SETX: variants seen among roughly 807,000 people sequenced by gnomAD.
SETX encodes senataxin.
Under a neutral mutation model 227.2 loss-of-function variants are expected in SETX, and 90 were observed. The ratio of observed to expected loss-of-function variants is 0.40; its 90% CI spans 0.33 to 0.47. The LOEUF is 0.47. Among genes scored for constraint, SETX ranks in the 20% least tolerant of loss-of-function variants. The pLI is 0.91. For synonymous variants in SETX, 1,210 were observed against 1,113.2 expected (o/e 1.09, Z -1.73); for missense variants, 3,052 against 3,181.5 (o/e 0.96, Z 0.98).
intron 23 of SETX, 71 bp downstream of exon 23, chr9:132,275,185 T>C: frequency 1.3e-6 from 2 of 1,535,592 alleles, no homozygotes; most frequent in Non-Finnish European, 9.0e-7. Flanking sequence ...GTTTCCCTTT[T>C]CTTCTTTCCT....
At position 132,327,330 on chromosome 9, in the gene SETX, G is replaced by A. The variant is rs1407744435; in HGVS notation, c.4268C>T (p.Thr1423Ile). The A allele has an allele frequency of 2.5e-6, 4 of 1,614,068 alleles. No individual in the cohort carries two copies. The highest frequency in any genetic ancestry group is 1.3e-5 in the African/African-American group (1 of 74,940). The change falls in exon 10 of 26, where the codon ACC becomes ATC. Residue 1423 changes from threonine to isoleucine, a missense_variant. Physicochemically the swap from Thr to Ile is moderately conservative, Grantham distance 89 (BLOSUM62 -1). Coordinates refer to ENST00000224140, the MANE Select transcript of SETX (RefSeq NM_015046.7). ...LIKCMPSEPETIKAKHGSPAT... is the reference protein window; with the variant it reads ...LIKCMPSEPEIIKAKHGSPAT... ...TGGAGACCCATGTTTTGCTTTTATG[G>A]TTTCTGGTTCAGAAGGCATGCATTT...
At chr9:132,297,747 C>A (rs897432330) in intron 13 of SETX, among the ~76,000 whole-genome samples, 6 of 152,226 alleles carry the variant, frequency 3.9e-5, no homozygotes, top group Admixed American at 1.3e-4. Context: ...GCATTTCCAA[C>A]AATACCGGCC....
chr9:132,356,140 AC>A (rs1333344822), upstream of SETX, among the ~76,000 whole-genome samples: 10 of 152,022 alleles, frequency 6.6e-5, no homozygotes, highest in Admixed American at 6.6e-4. Flanking sequence ...ACAAAGCAAG[AC>A]CCTGTCTCAG....
At chr9:132,317,908 T>C (rs1027551040) in intron 10 of SETX, among the ~76,000 whole-genome samples, 1 of 152,248 alleles carries the variant, frequency 6.6e-6, no homozygotes, top group African/African-American at 2.4e-5. Context: ...TTATATTCCC[T>C]TGGCATTAAA....
At position 132,273,778 on chromosome 9, in the gene SETX, T is replaced by C. The variant is rs572233204; in HGVS notation, c.7100+1478A>G. On this transcript the variant is annotated intron_variant, in intron 23 of 25. Transcript: ENST00000224140. Reference sequence around the variant, plus strand: ...TTTACTTTTTTCTTTCCAGTAAAGATGCTTTTTATTTATTTTCCTTACTTA... The same window carrying C: ...TTTACTTTTTTCTTTCCAGTAAAGACGCTTTTTATTTATTTTCCTTACTTA... Among the ~76,000 whole-genome samples, 4 of 150,906 alleles carry C rather than the reference T, an allele frequency of 2.7e-5. 1 individual carries two copies. Among genetic ancestry groups the C allele is most frequent in the African/African-American group, 9.9e-5 (4 of 40,222 alleles).
chr9:132,275,378 T>C lies in SETX; in HGVS notation c.6978A>G (p.Ile2326Met). ...NVQEIKLVME[I>M]IKLIKDKRKD... ...TTCTTTTGTCTTTAATAAGCTTAAT[T>C]ATTTCCATCACCAGTTTTATTTCTT... Residue 2326 changes from isoleucine (I) to methionine (M), a missense_variant, in exon 23 of 26, where the codon ATA becomes ATG. Transcript: ENST00000224140. The C allele has an allele frequency of 6.2e-7, 1 of 1,606,240 alleles. No individual in the cohort carries two copies. Among genetic ancestry groups the C allele is most frequent in the Non-Finnish European group, 8.5e-7 (1 of 1,173,148 alleles).
At chr9:132,325,887 C>T (rs111260178) in intron 10 of SETX, among the ~76,000 whole-genome samples, 2,759 of 146,380 alleles carry the variant, frequency 0.019, 94 homozygotes, top group African/African-American at 0.067. Context: ...GAGCAAAGAT[C>T]GCACCATTGC....
At chr9:132,296,804 ATACT>A (rs1253003865) in intron 14 of SETX, 79 bp downstream of exon 14, 29 of 1,236,376 alleles carry the variant, frequency 2.3e-5, no homozygotes, top group African/African-American at 4.4e-5. Flanking sequence ...TGGCATGTTA[ATACT>A]TATTTACATG....
chr9:132,300,553 A>G (rs1397615547), intron 12 of SETX, 77 bp downstream of exon 12: 5 of 1,444,254 alleles, frequency 3.5e-6, no homozygotes, highest in Non-Finnish European at 4.9e-6. Context: ...AATACACTTG[A>G]TATACACAAT....
chr9:132,332,879 C>A (rs1455828016), intron 7 of SETX, among the ~76,000 whole-genome samples: 1 of 127,578 alleles, frequency 7.8e-6, no homozygotes, highest in African/African-American at 3.0e-5. Flanking sequence ...CCTGATTGAG[C>A]CACTCCAGGG....
At chr9:132,268,878 GAT>G (rs1339160265) in intron 25 of SETX, among the ~76,000 whole-genome samples, 2 of 152,188 alleles carry the variant, frequency 1.3e-5, no homozygotes, top group Admixed American at 6.5e-5. Flanking sequence ...GGCTGGAGGT[GAT>G]AGAGGAGTGA....
chr9:132,349,998 G>A (rs779463528), intron 2 of SETX, among the ~76,000 whole-genome samples: 1 of 152,096 alleles, frequency 6.6e-6, no homozygotes, highest in Non-Finnish European at 1.5e-5. Context: ...TCACAGGAGA[G>A]GCAGTTTTTA....
intron 6 of SETX, 24 bp downstream of exon 6, chr9:132,336,272 T>C (rs1847608890): frequency 6.4e-7 from 1 of 1,567,192 alleles, no homozygotes; most frequent in Non-Finnish European, 8.8e-7. Context: ...ATACCAATTA[T>C]ATTAGTGTAG....
chr9:132,286,597 G>A, intron 17 of SETX, 103 bp from the exon 18 acceptor site: 1 of 821,270 alleles, frequency 1.2e-6, no homozygotes, highest in Non-Finnish European at 2.0e-6. Flanking sequence ...TTTCACCAAT[G>A]AAAAATGTAT....
intron 23 of SETX, among the ~76,000 whole-genome samples, chr9:132,273,787 T>C (rs1185134362): frequency 1.3e-5 from 2 of 152,062 alleles, no homozygotes; most frequent in Admixed American, 6.5e-5. Context: ...ATGCTTTTTA[T>C]TTATTTTCCT....
chr9:132,287,714 A>C (rs1301030218), intron 17 of SETX, among the ~76,000 whole-genome samples: 1 of 152,004 alleles, frequency 6.6e-6, no homozygotes, highest in Non-Finnish European at 1.5e-5. Flanking sequence ...ATTTTTAACA[A>C]AAGTAATTTT....
In SETX at chr9:132,347,833, C is replaced by T. The variant is rs1468002191; in HGVS notation, c.178-1362G>A. On this transcript the variant is annotated intron_variant, in intron 3 of 25. Coordinates refer to ENST00000224140, the MANE Select transcript of SETX (RefSeq NM_015046.7). ...TAATTAGAAAACTTTATAAAGTGCA[C>T]GTTTCTCAACACAAGTCCATTACTA... is the stretch of plus-strand genomic sequence containing the variant. Among the ~76,000 whole-genome samples the T allele has an allele frequency of 2.6e-5, 4 of 152,164 alleles. No individual in the cohort carries two copies. In the South Asian group the frequency reaches 6.2e-4, roughly 24 times the overall value.
chr9:132,342,643 G>A, intron 5 of SETX, 47 bp downstream of exon 5: 1 of 1,261,364 alleles, frequency 7.9e-7, no homozygotes, highest in Admixed American at 1.7e-5. Context: ...CTATCTATAG[G>A]TACAAAAGCA....
intron 15 of SETX, among the ~76,000 whole-genome samples, chr9:132,292,415 CA>C (rs60253119): frequency 6.2e-3 from 379 of 61,034 alleles, no homozygotes; most frequent in Middle Eastern, 0.014. Flanking sequence ...AGCTGGGGTA[CA>C]AAAAAAAAAA....
Sources: allele counts gnomAD v4.1 joint callset (sites outside exome capture counted in the v4.1 genomes callset), GRCh38; gene constraint gnomAD v4.1.1; transcripts MANE v1.5; gene names NCBI Gene and HGNC (gene_info 2026-07-23, HGNC 2026-07-21).